PCSK5: variants seen among roughly 807,000 people sequenced by gnomAD.
PCSK5 encodes the protein prohormone convertase 5.
Under a neutral mutation model 233.2 loss-of-function variants are expected in PCSK5, and 129 were observed. That is an observed-to-expected ratio of 0.55 (90% confidence interval 0.48 to 0.64). The LOEUF (loss-of-function observed/expected upper bound fraction) is 0.64, where lower values mean the gene tolerates loss of function less well. Among genes scored for constraint, PCSK5 ranks in the 30% least tolerant of loss-of-function variants. The pLI, the probability that PCSK5 is intolerant of heterozygous loss-of-function variation, is 0.00. For synonymous variants in PCSK5, 825 were observed against 879.2 expected (o/e 0.94, Z 1.09); for missense variants, 2,076 against 2,430.1 (o/e 0.85, Z 3.06).
At chr9:76,264,808 A>G (rs931203687) in intron 24 of PCSK5, among the ~76,000 whole-genome samples, 4 of 152,232 alleles carry the variant, frequency 2.6e-5, no homozygotes, top group African/African-American at 9.6e-5. Flanking sequence ...CCACTGTGGA[A>G]GGCACTTTGG....
At chr9:76,253,248 C>CT (rs566786609) in intron 24 of PCSK5, among the ~76,000 whole-genome samples, 13,211 of 143,952 alleles carry the variant, frequency 0.092, 654 homozygotes, top group Middle Eastern at 0.14. Context: ...TCTTCTTCTT[C>CT]TTTTTTTTTT....
At chr9:75,949,874 C>T (rs1471282459) in intron 2 of PCSK5, among the ~76,000 whole-genome samples, 1 of 152,076 alleles carries the variant, frequency 6.6e-6, no homozygotes, top group Non-Finnish European at 1.5e-5. Context: ...TTATGGGGTA[C>T]ACAAGATGTT....
chr9:76,099,308 T>C (rs1437894382), intron 8 of PCSK5, among the ~76,000 whole-genome samples: 1 of 152,102 alleles, frequency 6.6e-6, no homozygotes, highest in Non-Finnish European at 1.5e-5. Flanking sequence ...GATTGCCTCA[T>C]CTGTAAAATG....
chr9:76,067,898 T>C (rs1007727545), intron 5 of PCSK5, 57 bp from the exon 6 acceptor site: 3 of 1,381,622 alleles, frequency 2.2e-6, no homozygotes, highest in East Asian at 2.3e-5. Context: ...CAGTGACGCG[T>C]TGGCTTTGTG....
chr9:75,951,540 C>A (rs1824856535), intron 2 of PCSK5, among the ~76,000 whole-genome samples: 1 of 152,102 alleles, frequency 6.6e-6, no homozygotes, highest in African/African-American at 2.4e-5. Context: ...ATGTTAGATG[C>A]TTCAAAAGGA....
intron 20 of PCSK5, among the ~76,000 whole-genome samples, chr9:76,222,205 C>A (rs1342341931): frequency 6.6e-6 from 1 of 152,088 alleles, no homozygotes; most frequent in Non-Finnish European, 1.5e-5. Context: ...GACTGGCTTC[C>A]CAAGATGGTG....
chr9:76,180,549 GC>G (rs1308035397), intron 15 of PCSK5, among the ~76,000 whole-genome samples: 1 of 152,032 alleles, frequency 6.6e-6, no homozygotes, highest in African/African-American at 2.4e-5. Context: ...CCTGGGCAGA[GC>G]CAAGGAATGG....
chr9:76,291,611 C>A (rs1437519878), intron 24 of PCSK5, among the ~76,000 whole-genome samples: 1 of 152,164 alleles, frequency 6.6e-6, no homozygotes, highest in Non-Finnish European at 1.5e-5. Flanking sequence ...CTCTCAAAAT[C>A]TTTTCTCTCT....
At chr9:76,012,009 C>T (rs1827747754) in intron 3 of PCSK5, among the ~76,000 whole-genome samples, 1 of 152,154 alleles carries the variant, frequency 6.6e-6, no homozygotes, top group Non-Finnish European at 1.5e-5. Context: ...TAGTATCCAT[C>T]TGCCCAAATT....
chr9:76,183,684 C>T (rs1375192834), intron 16 of PCSK5, among the ~76,000 whole-genome samples: 2 of 152,174 alleles, frequency 1.3e-5, no homozygotes, highest in African/African-American at 2.4e-5. Context: ...TAAGGGGCTT[C>T]GTATTTCATG....
chr9:76,077,312 A>G (rs551472928), intron 7 of PCSK5, among the ~76,000 whole-genome samples: 66 of 152,306 alleles, frequency 4.3e-4, no homozygotes, highest in African/African-American at 1.6e-3. Context: ...AAATTGTTTT[A>G]TCATCAAAAT....
intron 1 of PCSK5, among the ~76,000 whole-genome samples, chr9:75,922,791 A>G (rs895647136): frequency 2.0e-5 from 3 of 152,176 alleles, no homozygotes; most frequent in Non-Finnish European, 2.9e-5. Context: ...AGTTGGGCAG[A>G]CCATCAGATT....
intron 18 of PCSK5, 31 bp downstream of exon 18, chr9:76,188,706 C>T: frequency 6.5e-7 from 1 of 1,536,344 alleles, no homozygotes; most frequent in Non-Finnish European, 9.0e-7. Flanking sequence ...GTTTATTCTC[C>T]CGGTTCTGGT....
chr9:76,111,477 G>GA (rs1371357483), intron 9 of PCSK5, among the ~76,000 whole-genome samples: 4 of 152,080 alleles, frequency 2.6e-5, no homozygotes, highest in Admixed American at 6.5e-5. Flanking sequence ...TTTAGAATAA[G>GA]AAAAAATACT....
intron 3 of PCSK5, among the ~76,000 whole-genome samples, chr9:75,990,306 G>C (rs1163077478): frequency 6.6e-6 from 1 of 152,214 alleles, no homozygotes; most frequent in Non-Finnish European, 1.5e-5. Context: ...AGAATGGCAT[G>C]AAGTGTGCCT....
rs1286020691 is a variant in PCSK5 at position 76,282,145 on chromosome 9, T to TTTTTTTTTTTTTTTTTTTTTTTTC, written c.3143-10086_3143-10085insTTTTTTTTTTTTTTTTTTTTTCTT. Among the ~76,000 whole-genome samples, 4 of 98,906 alleles carry TTTTTTTTTTTTTTTTTTTTTTTTC rather than the reference T, an allele frequency of 4.0e-5. 1 individual carries two copies. The highest frequency in any genetic ancestry group is 8.3e-5 in the Non-Finnish European group (4 of 48,196). The allele number at this position is 98,906 out of a possible 152,430, so 64.9% of individuals were successfully genotyped here. A position where few individuals can be genotyped will look rare whatever the true frequency, so the allele number is the denominator to read the frequency against. On this transcript the variant is annotated intron_variant, in intron 24 of 37. Transcript: ENST00000674117. The stretch of plus-strand genomic sequence containing the variant: ...CTTTTTTTTTTTTTTTTTTTTTTTT[T>TTTTTTTTTTTTTTTTTTTTTTTTC]TTCGCTCTGTTGCCCAGGCTGGAGC...
chr9:76,282,486 A>T (rs1266276627), intron 24 of PCSK5, among the ~76,000 whole-genome samples: 1 of 146,430 alleles, frequency 6.8e-6, no homozygotes, highest in Non-Finnish European at 1.5e-5. Context: ...TGCCCAGCTG[A>T]TATCTATTTT....
chr9:76,169,693 T>C lies in PCSK5; in HGVS notation c.1620-11T>C, dbSNP rs1427151607. 1 of 1,612,010 alleles carries C rather than the reference T, an allele frequency of 6.2e-7. No homozygotes were observed. Among genetic ancestry groups the C allele is most frequent in the Non-Finnish European group, 8.5e-7 (1 of 1,178,666 alleles). Reference sequence around the variant, plus strand: ...AAATATCGCACATAACAATGTTTTGTTCACTTTCAGGCTATTTGATCACTC... The same window carrying C: ...AAATATCGCACATAACAATGTTTTGCTCACTTTCAGGCTATTTGATCACTC... On this transcript the variant is annotated splice_polypyrimidine_tract_variant and intron_variant, in intron 12 of 37. Transcript: ENST00000674117.
intron 12 of PCSK5, among the ~76,000 whole-genome samples, chr9:76,167,316 G>A (rs918295306): frequency 2.6e-5 from 4 of 152,136 alleles, no homozygotes; most frequent in African/African-American, 9.7e-5. Context: ...ACCCCATTAT[G>A]GAAATTGATA....
Sources: allele counts gnomAD v4.1 joint callset (sites outside exome capture counted in the v4.1 genomes callset), GRCh38; gene constraint gnomAD v4.1.1; transcripts MANE v1.5; gene names NCBI Gene and HGNC (gene_info 2026-07-23, HGNC 2026-07-21).